DDX11: variants seen among roughly 807,000 people sequenced by gnomAD.
DDX11 encodes ATP-dependent DNA helicase DDX11.
A neutral mutation model predicts 125.2 loss-of-function variants in DDX11; 72 were observed. The ratio of observed to expected loss-of-function variants is 0.58; its 90% CI spans 0.48 to 0.70. DDX11 has a LOEUF of 0.70. Ranked by LOEUF, DDX11 falls within the 30% of genes least tolerant of loss-of-function variation. DDX11 has a pLI of 0.00. For synonymous variants in DDX11, 347 were observed against 452.6 expected (o/e 0.77, Z 2.96); for missense variants, 883 against 1,165.0 (o/e 0.76, Z 3.52).
intron 2 of DDX11, among the ~76,000 whole-genome samples, chr12:31,080,245 A>G (rs1033749566): frequency 4.0e-5 from 6 of 150,658 alleles, no homozygotes; most frequent in Non-Finnish European, 8.8e-5. Context: ...CCCAGCAGGT[A>G]CAGACGCTGA....
intron 19 of DDX11, 129 bp downstream of exon 19, chr12:31,100,836 C>A: frequency 8.9e-7 from 1 of 1,123,822 alleles, no homozygotes; most frequent in Non-Finnish European, 1.3e-6. Flanking sequence ...CCTCACCCTT[C>A]GTGCGCTCGC....
intron 12 of DDX11, chr12:31,094,253 G>A (rs1173619213): frequency 2.8e-6 from 1 of 360,970 alleles, no homozygotes; most frequent in African/African-American, 2.1e-5. Flanking sequence ...CTTTGCCTCA[G>A]GCTCACCAGT....
chr12:31,094,952 G>T, intron 14 of DDX11, 130 bp downstream of exon 14: 3 of 987,846 alleles, frequency 3.0e-6, no homozygotes, highest in South Asian at 1.4e-5. Flanking sequence ...AACCCTTAAC[G>T]CAACATGCCT....
chr12:31,084,476 A>C, intron 3 of DDX11, 107 bp from the exon 4 acceptor site: 1 of 993,982 alleles, frequency 1.0e-6, no homozygotes, highest in Non-Finnish European at 1.6e-6. Flanking sequence ...CCGGGGAAGG[A>C]GAGATGCCCC....
intron 12 of DDX11, among the ~76,000 whole-genome samples, chr12:31,094,142 A>T (rs1250344712): frequency 2.0e-5 from 3 of 152,162 alleles, no homozygotes; most frequent in Non-Finnish European, 2.9e-5. Flanking sequence ...ATGATGGGGC[A>T]CCCCCTTGGA....
chr12:31,077,844 G>GA (rs368776702), intron 1 of DDX11: 1,823 of 172,888 alleles, frequency 0.011, 1 homozygote, highest in Middle Eastern at 0.024. Context: ...ACTCTGTCTC[G>GA]AAAAAAAAAA....
rs150966927 is a variant in DDX11, at chr12:31,091,771, C to T, written c.1142C>T (p.Ala381Val). The change falls in exon 10 of 27, where the codon GCG becomes GTG. Residue 381 changes from alanine to valine, a missense_variant. Coordinates refer to ENST00000542838, the MANE Select transcript of DDX11 (RefSeq NM_030653.4). ...CTGCATGCGGCCACTCGGCAGGCCG[C>T]GGGCATCCGGCTGCAGGACCAGGTG... ...MLLHAATRQA[A>V]GIRLQDQVVI... is the part of the protein sequence containing the mutation. 0.026 allele frequency: 42,431 copies of T among 1,612,900 alleles called. 195 individuals carry two copies. Among genetic ancestry groups the T allele is most frequent in the Admixed American group, 0.042 (2,533 of 59,988 alleles).
intron 10 of DDX11, 149 bp downstream of exon 10, chr12:31,092,020 AC>A: frequency 1.8e-6 from 2 of 1,118,300 alleles, no homozygotes; most frequent in Non-Finnish European, 2.6e-6. Flanking sequence ...TCGGAGGCTG[AC>A]CATGGCTTTC....
chr12:31,094,065 G>A (rs1592729280), intron 12 of DDX11, among the ~76,000 whole-genome samples: 5 of 152,184 alleles, frequency 3.3e-5, no homozygotes, highest in African/African-American at 1.2e-4. Flanking sequence ...CCCAGCACGG[G>A]AGCCTGGGAT....
chr12:31,102,450 G>A lies in DDX11; in HGVS notation c.2295G>A (p.Gln765=), dbSNP rs1421363859. ...CIQACGQERG[Q]VTGALLLSVV... is the part of the protein sequence containing the mutation. The stretch of plus-strand genomic sequence containing the variant: ...AGGCCTGTGGCCAGGAGAGAGGCCA[G>A]GTGACAGGGGCCCTGCTCCTCTCTG... Residue 765 remains glutamine (Q), a synonymous_variant, in exon 23 of 27, where the codon CAG becomes CAA. Transcript: ENST00000542838. 4 of 1,613,962 alleles carry A rather than the reference G, an allele frequency of 2.5e-6. No homozygotes were observed. Among genetic ancestry groups the A allele is most frequent in the African/African-American group, 2.7e-5 (2 of 74,896 alleles).
At chr12:31,094,159 C>T (rs1242642038) in intron 12 of DDX11, 2 of 288,320 alleles carry the variant, frequency 6.9e-6, no homozygotes, top group Non-Finnish European at 1.3e-5. Context: ...TGGAAGGCGT[C>T]TGTGGAAGTG....
rs1225014046 is a variant in DDX11, at chr12:31,084,003, C to T, written c.335C>T (p.Ala112Val). Residue 112 changes from alanine to valine, a missense_variant, in exon 3 of 27, where the codon GCC (alanine) becomes GTC (valine). Physicochemically the swap from Ala to Val is moderately conservative, Grantham distance 64 (BLOSUM62 0). Around this residue, in one of 5 missense-constraint regions of DDX11, gnomAD observed 283 missense variants for 359.6 expected, o/e 0.79. Transcript: ENST00000542838. Reference sequence around the variant, plus strand: ...ACCCCGAGGCCTGCTGGAGAACCGGCCTGGGTTACTCAGTTTGTGCAGAAG... The same window carrying T: ...ACCCCGAGGCCTGCTGGAGAACCGGTCTGGGTTACTCAGTTTGTGCAGAAG... ...AGTPRPAGEP[A>V]WVTQFVQKKE... 5.6e-6 allele frequency: 9 copies of T among 1,613,834 alleles called. No individual in the cohort carries two copies. The highest frequency in any genetic ancestry group is 6.8e-6 in the Non-Finnish European group (8 of 1,179,878).
At position 31,094,434 on chromosome 12, in the gene DDX11, G is replaced by A. The variant is rs537312938; in HGVS notation, c.1370-156G>A. 13 of 1,379,756 alleles carry A rather than the reference G, an allele frequency of 9.4e-6. No homozygotes were observed. The South Asian group carries it at 1.7e-4, about 18-fold the overall frequency. 85.5% of individuals were successfully genotyped at this position (1,379,756 alleles called of 1,614,324 possible). On this transcript the variant is annotated intron_variant, in intron 12 of 26. Coordinates refer to ENST00000542838, the MANE Select transcript of DDX11 (RefSeq NM_030653.4). ...CCTGGACCCACCTGCCCTCTCAGTG[G>A]GTCCGTTGCATGCTATAAACAGTGA...
chr12:31,097,173 G>A (rs1159409876), intron 17 of DDX11, among the ~76,000 whole-genome samples, 183 bp downstream of exon 17: 7 of 146,278 alleles, frequency 4.8e-5, no homozygotes, highest in Admixed American at 3.4e-4. Flanking sequence ...GGAGGAGATC[G>A]AAGGGCTGGG....
chr12:31,096,293 G>C (rs780933429), intron 14 of DDX11, 48 bp from the exon 15 acceptor site: 1 of 1,420,054 alleles, frequency 7.0e-7, no homozygotes, highest in Non-Finnish European at 9.8e-7. Context: ...TAAGATTATA[G>C]CTTGCTCAGT....
chr12:31,085,985 TC>T (rs1039207877), intron 5 of DDX11: 1 of 453,376 alleles, frequency 2.2e-6, no homozygotes, highest in Non-Finnish European at 4.4e-6. Context: ...CCATGGATAT[TC>T]CTGAAGGTTC....
Position 31,097,982 on chromosome 12 carries a change from G to T in DDX11, c.1860G>T (p.Gly620=). 1 of 1,613,762 alleles carries T rather than the reference G, an allele frequency of 6.2e-7. No homozygotes were observed. The highest frequency in any genetic ancestry group is 8.5e-7 in the Non-Finnish European group (1 of 1,179,756). ...AATGCCGGGCAGTGGTCATTGCGGG[G>T]GGTACCATGCAGCCGGTAAGGACAC... ...VKECRAVVIA[G]GTMQPVSDFR... is the part of the protein sequence containing the mutation. Residue 620 remains glycine (G), a synonymous_variant, in exon 18 of 27, where the codon GGG becomes GGT. Coordinates refer to ENST00000542838, the MANE Select transcript of DDX11 (RefSeq NM_030653.4).
chr12:31,103,916 C>T lies in DDX11; in HGVS notation c.*80C>T. 6.2e-7 allele frequency: 1 copy of T among 1,613,792 alleles called. No individual in the cohort carries two copies. The highest frequency in any genetic ancestry group is 8.5e-7 in the Non-Finnish European group (1 of 1,179,816). ...AGACAGTGTTTGTCGTGGGCGTGGT[C>T]TGCGGGGATCCTGTTACAAAGGTGA... On this transcript the variant is annotated 3_prime_UTR_variant, in exon 27 of 27. Coordinates refer to ENST00000542838, the MANE Select transcript of DDX11 (RefSeq NM_030653.4).
In DDX11 at chr12:31,079,664, G is replaced by T. The variant is rs1210966541; in HGVS notation, c.144+1127G>T. 2.0e-5 allele frequency among the ~76,000 whole-genome samples: 3 copies of T among 151,858 alleles called. No individual in the cohort carries two copies. The East Asian group carries it at 5.9e-4, about 30-fold the overall frequency. On this transcript the variant is annotated intron_variant, in intron 2 of 26. Transcript: ENST00000542838. ...GGGGTTAGGATTTCAACATATGTTTGTTTGTTAAGATGGGCAGTCTCACTA... is the reference window on the plus strand; with the variant it reads ...GGGGTTAGGATTTCAACATATGTTTTTTTGTTAAGATGGGCAGTCTCACTA...
Sources: allele counts gnomAD v4.1 joint callset (sites outside exome capture counted in the v4.1 genomes callset), GRCh38; gene constraint gnomAD v4.1.1; regional missense constraint gnomAD v4.1.1; transcripts MANE v1.5; gene names NCBI Gene and HGNC (gene_info 2026-07-23, HGNC 2026-07-21).